SLC1A6: variants seen among roughly 807,000 people sequenced by gnomAD.
The protein encoded by SLC1A6 is solute carrier family 1 member 6.
SLC1A6 carries 15 observed loss-of-function variants against 42.1 expected under a neutral mutation model. The observed-to-expected ratio is 0.36, with a 90% confidence interval of 0.24 to 0.55. The LOEUF is 0.55. SLC1A6 is among the 20% of genes least tolerant of loss of function. The probability of loss-of-function intolerance (pLI) is 0.88; values close to 1 mark genes in which losing one functional copy is unlikely to be tolerated. For synonymous variants in SLC1A6, 317 were observed against 319.7 expected, an observed-to-expected ratio of 0.99 and a Z score of 0.09; for missense variants, 542 against 772.5, an observed-to-expected ratio of 0.70 and a Z score of 3.54.
At chr19:15,000,589 C>T (rs1600039256) in intron 1 of SLC1A6, among the ~76,000 whole-genome samples, 1 of 152,246 alleles carries the variant, frequency 6.6e-6, no homozygotes, top group South Asian at 2.1e-4. Context: ...GTATATGTGC[C>T]ACATTTTCTT....
chr19:14,951,078 C>CAAAAAAAAAAAAAAAA (rs59828742), intron 9 of SLC1A6, among the ~76,000 whole-genome samples: 1 of 79,806 alleles, frequency 1.3e-5, no homozygotes, highest in Non-Finnish European at 2.3e-5. Context: ...ACTAAAAATA[C>CAAAAAAAAAAAAAAAA]AAAAAAAAAA....
rs2045749894 is a variant in SLC1A6, at chr19:14,979,501, G to GC, written c.-201_-200insG. The GC allele has an allele frequency of 2.6e-5, 4 of 151,626 alleles. No individual in the cohort carries two copies. The highest frequency in any genetic ancestry group is 9.7e-5 in the African/African-American group (4 of 41,352). 9.4% of individuals were successfully genotyped at this position (151,626 alleles called of 1,614,324 possible). A position where few individuals can be genotyped will look rare whatever the true frequency, so the allele number is the denominator to read the frequency against. ...CCGAGTCCCCGCGCCGAGCCGCGGA[G>GC]TCCCCACTCACCGGCGTCCGGAGCG... is the stretch of plus-strand genomic sequence containing the variant. On this transcript the variant is annotated 5_prime_UTR_variant, in exon 1 of 10. Transcript: ENST00000594383. This position sits in a 1 kb window ranked among gnomAD's most constrained non-coding sequence, Gnocchi z 4.2.
intron 6 of SLC1A6, among the ~76,000 whole-genome samples, chr19:14,959,938 C>A (rs770374234): frequency 1.3e-5 from 2 of 152,166 alleles, no homozygotes; most frequent in African/African-American, 4.8e-5. Context: ...AACCTACCAC[C>A]TTGTGTTATA....
intron 9 of SLC1A6, among the ~76,000 whole-genome samples, chr19:14,951,211 C>A (rs2045408201): frequency 2.3e-5 from 3 of 132,584 alleles, no homozygotes; most frequent in South Asian, 2.4e-4. Context: ...GAGATCGAGC[C>A]ACTGCACTCC....
intron 1 of SLC1A6, chr19:14,978,242 T>C (rs375490153): frequency 1.3e-5 from 2 of 152,212 alleles, no homozygotes; most frequent in African/African-American, 2.4e-5. Context: ...TCTGATGAGA[T>C]GTGTGGGCTG....
At chr19:14,987,324 A>G (rs1333015403) in intron 1 of SLC1A6, among the ~76,000 whole-genome samples, 1 of 151,886 alleles carries the variant, frequency 6.6e-6, no homozygotes, top group Non-Finnish European at 1.5e-5. Context: ...AAAATTAGCC[A>G]GGCATGGTGG....
At chr19:14,985,062 A>G (rs1302960292) in intron 1 of SLC1A6, among the ~76,000 whole-genome samples, 1 of 152,144 alleles carries the variant, frequency 6.6e-6, no homozygotes, top group East Asian at 1.9e-4. Context: ...TTGTATTTTT[A>G]GTAGAGACGG....
chr19:15,005,305 A>G (rs2045890902), intron 1 of SLC1A6, among the ~76,000 whole-genome samples: 1 of 151,588 alleles, frequency 6.6e-6, no homozygotes, highest in South Asian at 2.1e-4. Flanking sequence ...TCAGGAGTTC[A>G]CGAATAGCCT....
chr19:14,950,637 G>C (rs2045402096), intron 9 of SLC1A6, among the ~76,000 whole-genome samples: 1 of 152,028 alleles, frequency 6.6e-6, no homozygotes, highest in African/African-American at 2.4e-5. Context: ...AAAAAATGAG[G>C]CTGGGTGTGG....
chr19:15,001,741 G>T (rs1286379728), intron 1 of SLC1A6, among the ~76,000 whole-genome samples: 2 of 152,208 alleles, frequency 1.3e-5, no homozygotes, highest in East Asian at 3.9e-4. Context: ...GCTCATTGCA[G>T]CCTCGACCTC....
At chr19:14,998,721 G>A (rs1037901764) in intron 1 of SLC1A6, among the ~76,000 whole-genome samples, 2 of 152,208 alleles carry the variant, frequency 1.3e-5, no homozygotes, top group African/African-American at 4.8e-5. Context: ...GACATATTTT[G>A]AAATGGCTCT....
rs2045744688 is a variant in SLC1A6 at position 14,979,094 on chromosome 19, A to T, written c.-8+215T>A. Among the ~76,000 whole-genome samples, 1 of 143,848 alleles carries T rather than the reference A, an allele frequency of 7.0e-6. No individual in the cohort carries two copies. Among genetic ancestry groups the T allele is most frequent in the South Asian group, 2.2e-4 (1 of 4,610 alleles). 94.4% of individuals were successfully genotyped at this position (143,848 alleles called of 152,430 possible). ...CACACACACACACACACACACACAC[A>T]CACTAATGCCCAGACCCTCTGCAGC... On this transcript the variant is annotated intron_variant, in intron 1 of 9. Transcript: ENST00000594383. The surrounding 1 kb of genome is among the most constrained non-coding windows in gnomAD (Gnocchi z 4.2).
In SLC1A6 at chr19:14,951,078, CA is replaced by C. The variant is rs59828742; in HGVS notation, c.1500-689del. 9.3e-3 allele frequency among the ~76,000 whole-genome samples: 745 copies of C among 79,784 alleles called. 6 individuals carry two copies. Among genetic ancestry groups the C allele is most frequent in the African/African-American group, 0.031 (631 of 20,054 alleles). 52.3% of individuals were successfully genotyped at this position (79,784 alleles called of 152,430 possible). A position where few individuals can be genotyped will look rare whatever the true frequency, so the allele number is the denominator to read the frequency against. Reference sequence around the variant, plus strand: ...TGAAACCCTGTCTCTACTAAAAATACAAAAAAAAAAAAAAAAAAAAAATTAG... The same window carrying C: ...TGAAACCCTGTCTCTACTAAAAATACAAAAAAAAAAAAAAAAAAAAATTAG... On this transcript the variant is annotated intron_variant, in intron 9 of 9. Coordinates refer to ENST00000594383, the MANE Select transcript of SLC1A6 (RefSeq NM_005071.3).
intron 1 of SLC1A6, among the ~76,000 whole-genome samples, chr19:15,002,546 G>A (rs1326720779): frequency 1.3e-5 from 2 of 152,170 alleles, no homozygotes; most frequent in African/African-American, 4.8e-5. Flanking sequence ...GTTTGCCATA[G>A]GCTGTTGGTT....
chr19:14,992,597 G>C (rs185321467), intron 1 of SLC1A6, among the ~76,000 whole-genome samples: 1 of 151,896 alleles, frequency 6.6e-6, no homozygotes, highest in East Asian at 1.9e-4. Flanking sequence ...GGTGGAGTTT[G>C]CAGTGAGCCA....
upstream of SLC1A6, chr19:14,979,964 C>A (rs1184595793): frequency 6.6e-6 from 1 of 152,264 alleles, no homozygotes; most frequent in African/African-American, 2.4e-5. This position sits in a 1 kb window ranked among gnomAD's most constrained non-coding sequence, Gnocchi z 4.2. Context: ...CCTCCGGAGC[C>A]CTCGGAGGCC....
In SLC1A6 at chr19:14,971,833, A is replaced by T. The variant is rs1440884163; in HGVS notation, c.247T>A (p.Tyr83Asn). 6.2e-7 allele frequency: 1 copy of T among 1,614,186 alleles called. No homozygotes were observed. The highest frequency in any genetic ancestry group is 1.7e-5 in the Admixed American group (1 of 60,026). ...AAAGAGAAGTACTTGATCTGGCGGT[A>T]GGTGAGCTGATATGGGCGCAGGGCA... The part of the protein sequence containing the change: ...AFALRPYQLT[Y>N]RQIKYFSFPG... Residue 83 changes from tyrosine (Y) to asparagine (N), a missense_variant, in exon 3 of 10, where the codon TAC becomes AAC. By Grantham distance (143) the Tyr-to-Asn change is moderately radical (BLOSUM62 -2). Around this residue, in one of 6 missense-constraint regions of SLC1A6, gnomAD observed 25 missense variants for 32.3 expected, o/e 0.77. Coordinates refer to ENST00000594383, the MANE Select transcript of SLC1A6 (RefSeq NM_005071.3).
upstream of SLC1A6, among the ~76,000 whole-genome samples, chr19:14,982,980 G>GCTT (rs1158565588): frequency 3.3e-5 from 5 of 152,102 alleles, no homozygotes; most frequent in Non-Finnish European, 7.4e-5. Flanking sequence ...TTTTCAAATT[G>GCTT]CTTTAATGGC....
chr19:14,989,849 T>A (rs9749155), intron 1 of SLC1A6, among the ~76,000 whole-genome samples: 106,063 of 150,496 alleles, frequency 0.7, 37,657 homozygotes, highest in African/African-American at 0.8. Context: ...AAAATCAGCG[T>A]GGCGTGGTGG....
Sources: allele counts gnomAD v4.1 joint callset (sites outside exome capture counted in the v4.1 genomes callset), GRCh38; gene constraint gnomAD v4.1.1; regional missense constraint gnomAD v4.1.1; non-coding constraint Gnocchi (gnomAD v3.1); transcripts MANE v1.5; gene names NCBI Gene and HGNC (gene_info 2026-07-23, HGNC 2026-07-21).